The following TRNAU1AP variants were observed in gnomAD, a reference collection of about 807,000 sequenced individuals.
TRNAU1AP encodes the protein tRNA selenocysteine 1-associated protein 1.
In TRNAU1AP, 33 loss-of-function variants were observed where a neutral mutation model predicts 43.3. The observed-to-expected ratio is 0.76, with a 90% confidence interval of 0.58 to 1.02. The LOEUF is 1.02. Ranked by LOEUF, TRNAU1AP falls within the 50% of genes least tolerant of loss-of-function variation. The pLI is 0.00. For synonymous variants in TRNAU1AP, 143 were observed against 129.1 expected (o/e 1.11, Z -0.73); for missense variants, 290 against 362.7 (o/e 0.80, Z 1.63).
At chr1:28,570,996 C>T (rs1474123315) in intron 6 of TRNAU1AP, among the ~76,000 whole-genome samples, 180 bp from the exon 7 acceptor site, 2 of 151,866 alleles carry the variant, frequency 1.3e-5, no homozygotes, top group Non-Finnish European at 2.9e-5. Flanking sequence ...ACCCGGGAGG[C>T]GCAGGTTGCA....
At chr1:28,556,642 G>T (rs962755768) in intron 2 of TRNAU1AP, among the ~76,000 whole-genome samples, 4 of 151,602 alleles carry the variant, frequency 2.6e-5, no homozygotes, top group African/African-American at 9.7e-5. Flanking sequence ...CTCCTGAGTA[G>T]CTGGGATTAC....
At chr1:28,558,075 T>G (rs1343204296) in intron 2 of TRNAU1AP, among the ~76,000 whole-genome samples, 3 of 149,292 alleles carry the variant, frequency 2.0e-5, no homozygotes, top group African/African-American at 7.4e-5. Context: ...TTTTTTTTTT[T>G]TTTTTTTTTG....
intron 7 of TRNAU1AP, among the ~76,000 whole-genome samples, 172 bp from the exon 8 acceptor site, chr1:28,571,695 A>C (rs557515635): frequency 6.3e-4 from 95 of 151,992 alleles, no homozygotes; most frequent in Non-Finnish European, 5.3e-4. Flanking sequence ...AGGCAGGAGA[A>C]TCTCTTGAAA....
chr1:28,568,993 G>GT (rs1456475859), intron 6 of TRNAU1AP, among the ~76,000 whole-genome samples: 2 of 151,978 alleles, frequency 1.3e-5, no homozygotes, highest in African/African-American at 4.8e-5. Context: ...TGTATTTTTA[G>GT]TAGAGACAGG....
At chr1:28,560,503 T>C in intron 2 of TRNAU1AP, 130 bp from the exon 3 acceptor site, 1 of 669,774 alleles carries the variant, frequency 1.5e-6, no homozygotes. Flanking sequence ...GCTGGTCTCC[T>C]GACCTTCAGT....
chr1:28,554,524 T>C (rs992070521), intron 2 of TRNAU1AP, among the ~76,000 whole-genome samples: 46 of 152,112 alleles, frequency 3.0e-4, no homozygotes, highest in African/African-American at 1.1e-3. Flanking sequence ...AATACTATTA[T>C]GAAGAGGCTT....
chr1:28,564,038 G>A (rs1403152539), intron 4 of TRNAU1AP, among the ~76,000 whole-genome samples: 2 of 152,124 alleles, frequency 1.3e-5, no homozygotes, highest in African/African-American at 4.8e-5. Context: ...GCTGAGGCAG[G>A]TGGATCATTT....
At chr1:28,556,812 T>C (rs1366894120) in intron 2 of TRNAU1AP, among the ~76,000 whole-genome samples, 4 of 152,042 alleles carry the variant, frequency 2.6e-5, no homozygotes, top group Non-Finnish European at 5.9e-5. Context: ...GCTTCCTGAG[T>C]AGGTGGGACT....
chr1:28,577,012 G>C (rs914579146), intron 8 of TRNAU1AP, among the ~76,000 whole-genome samples: 1 of 152,158 alleles, frequency 6.6e-6, no homozygotes, highest in Non-Finnish European at 1.5e-5. Flanking sequence ...GCTGCTGTGA[G>C]CTGTAAGTGT....
intron 5 of TRNAU1AP, among the ~76,000 whole-genome samples, chr1:28,566,314 CAA>C (rs58656186): frequency 7.4e-4 from 78 of 105,590 alleles, no homozygotes; most frequent in Admixed American, 9.7e-4. Flanking sequence ...GACTCCATCT[CAA>C]AAAAAAAAAA....
At chr1:28,567,526 A>G (rs1483945551) in intron 6 of TRNAU1AP, 113 bp downstream of exon 6, 18 of 1,295,072 alleles carry the variant, frequency 1.4e-5, no homozygotes, top group Admixed American at 5.8e-5. Flanking sequence ...AGGGGATCCA[A>G]TTCAAGTCAC....
At chr1:28,565,800 A>AAGAAAAG (rs1409129156) in intron 5 of TRNAU1AP, 1 of 151,866 alleles carries the variant, frequency 6.6e-6, no homozygotes, top group Non-Finnish European at 1.5e-5. Context: ...TAAAAAAAAA[A>AAGAAAAG]AGAAAAAATG....
At chr1:28,553,252 G>C in intron 1 of TRNAU1AP, 115 bp downstream of exon 1, 1 of 1,198,756 alleles carries the variant, frequency 8.3e-7, no homozygotes, top group Non-Finnish European at 1.1e-6. Context: ...GACGTGTGAC[G>C]GGGGTTCTTT....
chr1:28,559,453 A>AC (rs1234001579), intron 2 of TRNAU1AP, among the ~76,000 whole-genome samples: 2 of 151,972 alleles, frequency 1.3e-5, no homozygotes, highest in African/African-American at 2.4e-5. Flanking sequence ...ATATGGAGAA[A>AC]CCCCATCTCT....
intron 2 of TRNAU1AP, among the ~76,000 whole-genome samples, chr1:28,555,415 T>C (rs2124184596): frequency 6.6e-6 from 1 of 152,220 alleles, no homozygotes; most frequent in East Asian, 1.9e-4. Flanking sequence ...ATTGCCTCCA[T>C]GTTCTTCTTT....
At chr1:28,554,791 C>CCGAGAT (rs1665220903) in intron 2 of TRNAU1AP, among the ~76,000 whole-genome samples, 1 of 151,054 alleles carries the variant, frequency 6.6e-6, no homozygotes, top group South Asian at 2.1e-4. Flanking sequence ...TTGCAGTGAG[C>CCGAGAT]CGAGATCGCT....
chr1:28,561,052 A>G (rs1665393986), intron 3 of TRNAU1AP: 1 of 1,350,544 alleles, frequency 7.4e-7, no homozygotes, highest in East Asian at 3.0e-5. Flanking sequence ...TTGGGAAACT[A>G]GAATAGGCTG....
chr1:28,561,965 A>T (rs148267167), intron 4 of TRNAU1AP, among the ~76,000 whole-genome samples: 1 of 149,566 alleles, frequency 6.7e-6, no homozygotes, highest in East Asian at 1.9e-4. Context: ...CCAGCTACTC[A>T]GGAGGCTGAG....
chr1:28,553,450 G>A (rs1665179991), intron 1 of TRNAU1AP, 190 bp from the exon 2 acceptor site: 1 of 634,648 alleles, frequency 1.6e-6, no homozygotes, highest in South Asian at 2.0e-5. Context: ...GGTCCAAGGG[G>A]AGGCTCCCTA....
Sources: gnomAD v4.1 joint callset for allele counts (sites outside exome capture counted in the v4.1 genomes callset) on GRCh38, gnomAD v4.1.1 for gene constraint, MANE v1.5 for transcripts, NCBI Gene and HGNC (gene_info 2026-07-23, HGNC 2026-07-21) for gene names.